The following NCKAP5 variants were observed in gnomAD, a reference collection of about 807,000 sequenced individuals.
NCKAP5 encodes nck-associated protein 5.
A neutral mutation model predicts 167.0 loss-of-function variants in NCKAP5; 92 were observed. The observed-to-expected ratio is 0.55, with a 90% CI of 0.47 to 0.66. NCKAP5 has a LOEUF of 0.66. Among genes scored for constraint, NCKAP5 ranks in the 30% least tolerant of loss-of-function variants. The pLI is 0.00. For missense variants in NCKAP5, 2,378 were observed against 2,315.0 expected, an observed-to-expected ratio of 1.03 and a Z score of -0.56; for synonymous variants, 891 against 877.4, an observed-to-expected ratio of 1.02 and a Z score of -0.27.
chr2:133,589,065 G>C, the NCKAP5 span, among the ~76,000 whole-genome samples: 1 of 152,192 alleles, frequency 6.6e-6, no homozygotes, highest in African/African-American at 2.4e-5. Context: ...AGTGGGTTTG[G>C]AGCAGAGGAC....
At chr2:132,775,509 C>G (rs1682470956) in intron 15 of NCKAP5, among the ~76,000 whole-genome samples, 1 of 152,170 alleles carries the variant, frequency 6.6e-6, no homozygotes, top group Non-Finnish European at 1.5e-5. Context: ...TGGGCATTTC[C>G]CTGTTTGTTA....
rs79169982 is a variant in NCKAP5, at chr2:133,425,409, A to C, written c.69+92049T>G. 4.0e-3 allele frequency among the ~76,000 whole-genome samples: 612 copies of C among 152,324 alleles called. 7 individuals carry two copies. Among genetic ancestry groups the C allele is most frequent in the African/African-American group, 0.014 (584 of 41,576 alleles). On this transcript the variant is annotated intron_variant, in intron 3 of 19. Coordinates refer to ENST00000409261, the MANE Select transcript of NCKAP5 (RefSeq NM_207363.3). ...GTACGTGAAACATCCTTGGAAAGTA[A>C]TCAGGGGGGTAGTCAGCTTATGGAT...
chr2:133,471,851 C>G (rs903474672), intron 3 of NCKAP5, among the ~76,000 whole-genome samples: 4 of 152,222 alleles, frequency 2.6e-5, no homozygotes, highest in African/African-American at 7.2e-5. Flanking sequence ...CCATCCCTAC[C>G]TCACTTGAAA....
chr2:133,549,145 A>C (rs1687035851), intron 2 of NCKAP5, among the ~76,000 whole-genome samples: 1 of 150,668 alleles, frequency 6.6e-6, no homozygotes, highest in Admixed American at 6.6e-5. Flanking sequence ...CCATTACATA[A>C]TGGTAAAGGG....
intron 5 of NCKAP5, among the ~76,000 whole-genome samples, chr2:133,198,724 A>G (rs2085544076): frequency 6.6e-6 from 1 of 152,170 alleles, no homozygotes; most frequent in South Asian, 2.1e-4. Flanking sequence ...ACATTGATAC[A>G]GAGATTCAAT....
intron 4 of NCKAP5, among the ~76,000 whole-genome samples, chr2:133,226,328 T>C (rs13418285): frequency 0.028 from 4,238 of 152,226 alleles, 198 homozygotes; most frequent in African/African-American, 0.096. Flanking sequence ...GGGGCTTTGC[T>C]AGGCTCTATG....
At chr2:132,999,263 AC>A (rs1040347135) in intron 6 of NCKAP5, among the ~76,000 whole-genome samples, 1 of 152,164 alleles carries the variant, frequency 6.6e-6, no homozygotes, top group Non-Finnish European at 1.5e-5. Flanking sequence ...AGAAGCAAAA[AC>A]CTTGCTTAAG....
intron 3 of NCKAP5, among the ~76,000 whole-genome samples, chr2:133,406,206 T>C (rs1186764030): frequency 6.6e-6 from 1 of 152,250 alleles, no homozygotes; most frequent in Non-Finnish European, 1.5e-5. Flanking sequence ...TGAGTATTGA[T>C]ACAGATTGCT....
chr2:133,242,065 G>A (rs1054846210), intron 4 of NCKAP5, among the ~76,000 whole-genome samples: 1 of 141,528 alleles, frequency 7.1e-6, no homozygotes, highest in African/African-American at 2.7e-5. Context: ...TTTGCGTTGA[G>A]CCGAGATCAC....
chr2:132,678,720 T>C (rs1684819473), intron 19 of NCKAP5, among the ~76,000 whole-genome samples: 1 of 152,106 alleles, frequency 6.6e-6, no homozygotes, highest in South Asian at 2.1e-4. Context: ...GATAGCGAGG[T>C]CTAAATGTTA....
At chr2:132,812,613 G>T (rs1685968644) in intron 11 of NCKAP5, among the ~76,000 whole-genome samples, 1 of 152,180 alleles carries the variant, frequency 6.6e-6, no homozygotes, top group Non-Finnish European at 1.5e-5. Flanking sequence ...CGGCAGAGGG[G>T]TTCTGGGGGC....
intron 3 of NCKAP5, among the ~76,000 whole-genome samples, chr2:133,308,689 CTTTTTTTTTTTTTTTTT>C (rs35760716): frequency 1.7e-5 from 1 of 59,278 alleles, no homozygotes; most frequent in Middle Eastern, 0.014. Context: ...AAATACAATT[CTTTTTTTTTTTTTTTTT>C]TTTTTTTTTT....
chr2:133,547,047 G>A (rs1245215804), intron 2 of NCKAP5, among the ~76,000 whole-genome samples: 6 of 152,208 alleles, frequency 3.9e-5, no homozygotes, highest in South Asian at 4.1e-4. Context: ...GAAGCAGGGC[G>A]AGGCATTGCC....
intron 16 of NCKAP5, among the ~76,000 whole-genome samples, chr2:132,752,210 GTTTTAGGGGC>G (rs1680175731): frequency 6.6e-6 from 1 of 152,220 alleles, no homozygotes; most frequent in Non-Finnish European, 1.5e-5. Context: ...AGGCATGCAG[GTTTTAGGGGC>G]CTTGGGCCCT....
intron 3 of NCKAP5, among the ~76,000 whole-genome samples, chr2:133,450,019 T>C (rs1001877623): frequency 6.6e-6 from 1 of 151,532 alleles, no homozygotes; most frequent in Non-Finnish European, 1.5e-5. Context: ...CAAGGCCTTG[T>C]TGCAAGGCAG....
chr2:132,889,985 T>C (rs1190475059), intron 8 of NCKAP5, among the ~76,000 whole-genome samples: 1 of 152,048 alleles, frequency 6.6e-6, no homozygotes, highest in Non-Finnish European at 1.5e-5. Context: ...AACGACCAAT[T>C]CACAGTAGTT....
Position 133,311,665 on chromosome 2 carries a change from G to A in NCKAP5, c.70-8555C>T, listed in dbSNP as rs1410930888. 3.3e-5 allele frequency among the ~76,000 whole-genome samples: 5 copies of A among 152,230 alleles called. No individual in the cohort carries two copies. The East Asian group carries it at 9.7e-4, about 29-fold the overall frequency. ...GAACAAAAGATGATCCTATCACCCAGAAAATTCTAAGGGATTTAAGAGCTC... is the reference window on the plus strand; with the variant it reads ...GAACAAAAGATGATCCTATCACCCAAAAAATTCTAAGGGATTTAAGAGCTC... On this transcript the variant is annotated intron_variant, in intron 3 of 19. Coordinates refer to ENST00000409261, the MANE Select transcript of NCKAP5 (RefSeq NM_207363.3).
At chr2:133,437,269 C>G (rs1388997729) in intron 3 of NCKAP5, among the ~76,000 whole-genome samples, 1 of 151,840 alleles carries the variant, frequency 6.6e-6, no homozygotes, top group Non-Finnish European at 1.5e-5. Flanking sequence ...AGGAGAATCG[C>G]TTGAACCCGA....
chr2:133,474,159 C>T (rs60828812), intron 3 of NCKAP5, among the ~76,000 whole-genome samples: 8,380 of 110,010 alleles, frequency 0.076, 759 homozygotes, highest in African/African-American at 0.25. Flanking sequence ...TATCTATACA[C>T]ACACACACAC....
Sources: allele counts gnomAD v4.1 joint callset (sites outside exome capture counted in the v4.1 genomes callset), GRCh38; gene constraint gnomAD v4.1.1; transcripts MANE v1.5; gene names NCBI Gene and HGNC (gene_info 2026-07-23, HGNC 2026-07-21).